Variants in XRN1 observed in about 807,000 individuals in gnomAD.
The protein encoded by XRN1 is 5'-3' exoribonuclease 1.
XRN1 carries 67 observed loss-of-function variants against 222.3 expected under a neutral mutation model. The observed-to-expected ratio is 0.30, with a 90% confidence interval of 0.25 to 0.37. The LOEUF is 0.37. Among genes scored for constraint, XRN1 ranks in the 10% least tolerant of loss-of-function variants. The probability of loss-of-function intolerance (pLI) is 1.00; values close to 1 mark genes in which losing one functional copy is unlikely to be tolerated. For synonymous variants in XRN1, 643 were observed against 652.4 expected (o/e 0.99, Z 0.22); for missense variants, 1,707 against 2,000.2 (o/e 0.85, Z 2.80).
At chr3:142,351,777 G>T (rs1043579278) in intron 32 of XRN1, among the ~76,000 whole-genome samples, 4 of 151,590 alleles carry the variant, frequency 2.6e-5, no homozygotes, top group African/African-American at 9.7e-5. Context: ...CCTCAGTCAA[G>T]ATTTAATCCA....
chr3:142,421,182 A>G (rs1264588822), intron 9 of XRN1, 29 bp from the exon 10 acceptor site: 2 of 1,506,520 alleles, frequency 1.3e-6, no homozygotes. Flanking sequence ...ATTTATTTTT[A>G]AATAATTTAA....
Position 142,412,617 on chromosome 3 carries a change from G to C in XRN1, c.1640C>G (p.Pro547Arg). ...EDSPIIEYYP[P>R]DFKTDLNGKQ... ...CCCATTTAGGTCAGTTTTAAAATCA[G>C]GTGGGTAATATTCTATAATTGGTGA... Residue 547 changes from proline to arginine, a missense_variant, in exon 15 of 41, where the codon CCT becomes CGT. Around this residue, in one of 2 missense-constraint regions of XRN1, gnomAD observed 1,234 missense variants for 1,518.2 expected, o/e 0.81. Coordinates refer to ENST00000392981, the MANE Select transcript of XRN1 (RefSeq NM_001282857.2). The C allele has an allele frequency of 1.9e-6, 3 of 1,606,572 alleles. No homozygotes were observed. The highest frequency in any genetic ancestry group is 2.7e-5 in the African/African-American group (2 of 74,962).
chr3:142,396,805 G>T (rs1182348450), intron 20 of XRN1, among the ~76,000 whole-genome samples: 1 of 152,162 alleles, frequency 6.6e-6, no homozygotes, highest in Non-Finnish European at 1.5e-5. Flanking sequence ...AAGGAGAGGT[G>T]CTGCTGGGGT....
chr3:142,383,275 A>G, intron 22 of XRN1, 25 bp downstream of exon 22: 1 of 1,548,906 alleles, frequency 6.5e-7, no homozygotes, highest in Non-Finnish European at 8.8e-7. Flanking sequence ...AGAAAAATGT[A>G]TCAGTAACAA....
chr3:142,423,866 T>G (rs2069137773), intron 5 of XRN1, among the ~76,000 whole-genome samples: 1 of 152,160 alleles, frequency 6.6e-6, no homozygotes, highest in Non-Finnish European at 1.5e-5. Context: ...TTCATAACCA[T>G]TACCCTATCC....
At chr3:142,407,587 C>A (rs1311240355) in intron 15 of XRN1, 4 of 152,228 alleles carry the variant, frequency 2.6e-5, no homozygotes, top group Non-Finnish European at 5.9e-5. Flanking sequence ...ACTTGGCCTC[C>A]CAAAGTGCTG....
At chr3:142,312,847 G>T in intron 39 of XRN1, 89 bp from the exon 40 acceptor site, 1 of 1,400,602 alleles carries the variant, frequency 7.1e-7, no homozygotes, top group Non-Finnish European at 9.7e-7. Flanking sequence ...AGCCTTTTTG[G>T]GCTTTTTTTT....
At position 142,365,143 on chromosome 3, in the gene XRN1, C is replaced by T. The variant is rs768751522; in HGVS notation, c.3298G>A (p.Asp1100Asn). 13 of 1,613,070 alleles carry T rather than the reference C, an allele frequency of 8.1e-6. No homozygotes were observed. Among genetic ancestry groups the T allele is most frequent in the Non-Finnish European group, 1.1e-5 (13 of 1,179,560 alleles). ...CGGTCAAAAAGACAAAATTCTGCAT[C>T]CCGATCAGGAATGACTCCATGTTGC... ...EQQHGVIPDRDAEFCLFDRVV... is the reference protein window; with the variant it reads ...EQQHGVIPDRNAEFCLFDRVV... Residue 1100 changes from aspartate to asparagine, a missense_variant, in exon 29 of 41, where the codon GAT becomes AAT. Physicochemically the swap from Asp to Asn is conservative, Grantham distance 23. Coordinates refer to ENST00000392981, the MANE Select transcript of XRN1 (RefSeq NM_001282857.2).
At chr3:142,372,217 G>A (rs935419936) in intron 25 of XRN1, among the ~76,000 whole-genome samples, 5 of 152,128 alleles carry the variant, frequency 3.3e-5, no homozygotes, top group African/African-American at 7.2e-5. Context: ...TACCAGTCAC[G>A]GACTTAGGGG....
intron 32 of XRN1, among the ~76,000 whole-genome samples, chr3:142,347,970 A>T (rs920073583): frequency 2.0e-5 from 3 of 152,194 alleles, no homozygotes; most frequent in Non-Finnish European, 2.9e-5. Flanking sequence ...ACCAAACAAA[A>T]TACTAAACTT....
intron 20 of XRN1, among the ~76,000 whole-genome samples, chr3:142,387,262 T>C (rs1226104353): frequency 2.6e-5 from 4 of 152,128 alleles, no homozygotes; most frequent in Non-Finnish European, 4.4e-5. Context: ...AGTTCAAAAA[T>C]AGAAAACACA....
chr3:142,341,905 T>A (rs75714959), intron 33 of XRN1, among the ~76,000 whole-genome samples: 12,042 of 152,122 alleles, frequency 0.079, 1,598 homozygotes, highest in African/African-American at 0.27. Context: ...AAAAATATAT[T>A]TCCAACACTG....
chr3:142,350,943 G>T (rs1165064251), intron 32 of XRN1, among the ~76,000 whole-genome samples: 1 of 152,184 alleles, frequency 6.6e-6, no homozygotes, highest in Non-Finnish European at 1.5e-5. Context: ...TTGGACATTT[G>T]AGTGGAGATG....
intron 25 of XRN1, among the ~76,000 whole-genome samples, chr3:142,373,803 A>G (rs899297744): frequency 5.9e-5 from 9 of 151,842 alleles, no homozygotes; most frequent in Non-Finnish European, 2.9e-5. Flanking sequence ...ACGTGGTGAA[A>G]CCCCATCTCT....
At chr3:142,336,386 A>G (rs1286439454) in intron 33 of XRN1, among the ~76,000 whole-genome samples, 1 of 152,030 alleles carries the variant, frequency 6.6e-6, no homozygotes, top group Non-Finnish European at 1.5e-5. Flanking sequence ...ACTGTTCATT[A>G]AGCCAGTCTG....
intron 2 of XRN1, among the ~76,000 whole-genome samples, chr3:142,427,480 T>C (rs2069307920): frequency 6.6e-6 from 1 of 152,240 alleles, no homozygotes; most frequent in Non-Finnish European, 1.5e-5. Context: ...GCTTTAAATG[T>C]TCATTATATA....
At chr3:142,322,388 G>GT (rs1420277887) in intron 37 of XRN1, among the ~76,000 whole-genome samples, 4 of 152,058 alleles carry the variant, frequency 2.6e-5, no homozygotes, top group African/African-American at 2.4e-5. Context: ...TGTTTTTAAA[G>GT]TTTTTTTAGA....
intron 27 of XRN1, among the ~76,000 whole-genome samples, chr3:142,369,133 C>T (rs1353981258): frequency 6.6e-6 from 1 of 152,110 alleles, no homozygotes; most frequent in Non-Finnish European, 1.5e-5. Flanking sequence ...CAAGAGAATG[C>T]TGTGTTGGCA....
chr3:142,426,909 C>A (rs2069277638), intron 2 of XRN1, 68 bp from the exon 3 acceptor site: 1 of 1,211,492 alleles, frequency 8.3e-7, no homozygotes. Context: ...ATATAAACTG[C>A]TATGTAGGTG....
Sources: gnomAD v4.1 joint callset for allele counts (sites outside exome capture counted in the v4.1 genomes callset) on GRCh38, gnomAD v4.1.1 for gene constraint, gnomAD v4.1.1 regional missense constraint, MANE v1.5 for transcripts, NCBI Gene and HGNC (gene_info 2026-07-23, HGNC 2026-07-21) for gene names.